Variants in CACTIN observed in about 807,000 individuals in gnomAD.
CACTIN encodes cactin, spliceosome C complex subunit.
A neutral mutation model predicts 84.9 loss-of-function variants in CACTIN; 20 were observed. That is an observed-to-expected ratio of 0.24 (90% CI 0.17 to 0.34). The LOEUF (loss-of-function observed/expected upper bound fraction) is 0.34. CACTIN is among the 10% of genes least tolerant of loss of function. CACTIN has a pLI of 1.00. For missense variants in CACTIN, 897 were observed against 1,117.2 expected (o/e 0.80, Z 2.81); for synonymous variants, 549 against 467.9 (o/e 1.17, Z -2.24).
At position 3,611,944 on chromosome 19, in the gene CACTIN, C is replaced by T; in HGVS notation, c.2256G>A (p.Lys752=). The change falls in exon 10 of 10, where the codon AAG becomes AAA. Residue 752 remains lysine (K), a synonymous_variant. Transcript: ENST00000429344. ...NGIFQLWFHF[K]RYRYRR is the part of the protein sequence containing the mutation. ...GCCGTCACCGCCGATAGCGGTAGCG[C>T]TTGAAGTGAAACCACAGCTGGAAGA... 6.2e-7 allele frequency: 1 copy of T among 1,613,330 alleles called. No homozygotes were observed.
At chr19:3,618,102 G>A (rs1687643918) in intron 6 of CACTIN, among the ~76,000 whole-genome samples, 1 of 151,652 alleles carries the variant, frequency 6.6e-6, no homozygotes, top group African/African-American at 2.4e-5. Context: ...ATGAGAGCCA[G>A]GCACTGTTAC....
chr19:3,624,274 A>T, intron 1 of CACTIN, 112 bp from the exon 2 acceptor site: 4 of 979,504 alleles, frequency 4.1e-6, no homozygotes, highest in Middle Eastern at 2.9e-4. Context: ...CTGGGGACAC[A>T]GCAGTGACCC....
At chr19:3,612,750 G>C (rs1474006696) in intron 9 of CACTIN, 2 of 697,628 alleles carry the variant, frequency 2.9e-6, no homozygotes, top group East Asian at 2.7e-5. Flanking sequence ...TGGCCCAGGG[G>C]TTTTCTGAAG....
At chr19:3,613,001 C>T in intron 9 of CACTIN, 57 bp downstream of exon 9, 2 of 1,487,856 alleles carry the variant, frequency 1.3e-6, no homozygotes, top group Non-Finnish European at 1.8e-6. Context: ...GCTGGAGAAG[C>T]CCCGCCCCCA....
Position 3,610,823 on chromosome 19 carries a change from T to G in CACTIN, c.*1100A>C, listed in dbSNP as rs187039597. ...TGGGTGGTCTGGGGCTGGTGACTGG[T>G]GAGGTTGGGTGGCCCTCTGGGGGTC... On this transcript the variant is annotated 3_prime_UTR_variant, in exon 10 of 10. Transcript: ENST00000429344. The G allele has an allele frequency of 2.2e-6, 1 of 456,654 alleles. No individual in the cohort carries two copies. The highest frequency in any genetic ancestry group is 2.3e-5 in the Admixed American group (1 of 42,576). 28.3% of individuals were successfully genotyped at this position (456,654 alleles called of 1,614,324 possible).
chr19:3,613,829 C>CA, intron 7 of CACTIN: 1 of 560,958 alleles, frequency 1.8e-6, no homozygotes, highest in Non-Finnish European at 3.1e-6. Context: ...GTCTCTGTCT[C>CA]ACGCTGCAGT....
In CACTIN at chr19:3,619,254, A is replaced by C; in HGVS notation, c.885-12T>G. 6.2e-7 allele frequency: 1 copy of C among 1,611,226 alleles called. No homozygotes were observed. Among genetic ancestry groups the C allele is most frequent in the East Asian group, 2.2e-5 (1 of 44,870 alleles). On this transcript the variant is annotated splice_polypyrimidine_tract_variant and intron_variant, in intron 4 of 9. Coordinates refer to ENST00000429344, the MANE Select transcript of CACTIN (RefSeq NM_001080543.2). ...TGCGGATCTTGGAACTGTGGGGAGC[A>C]GGGGAAGGTGGCATCAGAGCCTGGG...
chr19:3,612,280 T>G lies in CACTIN; in HGVS notation c.1920A>C (p.Pro640=). The change falls in exon 10 of 10, where the codon CCA becomes CCC. Residue 640 remains proline (P), a synonymous_variant. Transcript: ENST00000429344. Reference sequence around the variant, plus strand: ...CGCGGTTGAAGAAGCGCGGCTTGCGTGGCCGGTACTTGTCGGCCCACAGGT... The same window carrying G: ...CGCGGTTGAAGAAGCGCGGCTTGCGGGGCCGGTACTTGTCGGCCCACAGGT... ...KAYLWADKYR[P]RKPRFFNRVH... is the part of the protein sequence containing the mutation. 6.2e-7 allele frequency: 1 copy of G among 1,613,076 alleles called. No individual in the cohort carries two copies. The highest frequency in any genetic ancestry group is 8.5e-7 in the Non-Finnish European group (1 of 1,179,896).
At chr19:3,618,156 T>C (rs1194778776) in intron 6 of CACTIN, among the ~76,000 whole-genome samples, 1 of 123,772 alleles carries the variant, frequency 8.1e-6, no homozygotes, top group Non-Finnish European at 1.6e-5. Flanking sequence ...GGGGCAGGGC[T>C]GCTGTGGTTG....
At chr19:3,613,699 A>G in intron 7 of CACTIN, 113 bp from the exon 8 acceptor site, 2 of 1,436,620 alleles carry the variant, frequency 1.4e-6, no homozygotes, top group Non-Finnish European at 1.9e-6. Context: ...GGTGGCGAGC[A>G]GCCACGGCTC....
In CACTIN at chr19:3,619,929, G is replaced by A. The variant is rs147277899; in HGVS notation, c.884+198C>T. ...CGTGGGGTGCCGTTCACCTGGGCCC[G>A]TCTCCTCTGCACCCTGCCCAGCAGG... On this transcript the variant is annotated intron_variant, in intron 4 of 9. Transcript: ENST00000429344. Among the ~76,000 whole-genome samples the A allele has an allele frequency of 2.2e-3, 330 of 152,272 alleles. 2 individuals carry two copies. Among genetic ancestry groups the A allele is most frequent in the African/African-American group, 6.5e-3 (272 of 41,550 alleles).
At chr19:3,621,365 G>T (rs561788037) in intron 2 of CACTIN, among the ~76,000 whole-genome samples, 1 of 152,096 alleles carries the variant, frequency 6.6e-6, no homozygotes, top group Non-Finnish European at 1.5e-5. Flanking sequence ...CTCAAAGCTG[G>T]CTTCTTCCAG....
intron 1 of CACTIN, 104 bp from the exon 2 acceptor site, chr19:3,624,266 G>A: frequency 9.1e-7 from 1 of 1,099,880 alleles, no homozygotes; most frequent in South Asian, 1.5e-5. Context: ...TCTAGGTTCT[G>A]GGGACACAGC....
chr19:3,616,039 G>A (rs917252217), intron 6 of CACTIN: 3 of 152,144 alleles, frequency 2.0e-5, no homozygotes, highest in Admixed American at 6.5e-5. Context: ...TCTATAGAAA[G>A]CCGGGTCTGG....
At chr19:3,614,244 C>A in intron 7 of CACTIN, 153 bp downstream of exon 7, 1 of 813,420 alleles carries the variant, frequency 1.2e-6, no homozygotes, top group South Asian at 1.7e-5. Flanking sequence ...TCGTCACTCA[C>A]AGGCTGGCCC....
chr19:3,613,115 C>G lies in CACTIN; in HGVS notation c.1729G>C (p.Glu577Gln), dbSNP rs1418372487. 1 of 1,603,520 alleles carries G rather than the reference C, an allele frequency of 6.2e-7. No individual in the cohort carries two copies. Among genetic ancestry groups the G allele is most frequent in the African/African-American group, 1.3e-5 (1 of 74,798 alleles). ...HELPLDAHVLEPDEDLQRLQL... is the reference protein window; with the variant it reads ...HELPLDAHVLQPDEDLQRLQL... ...AGGCGCTGCAGGTCCTCATCCGGTTCCAGCACGTGCGCGTCCAGTGGCAGC... is the reference window on the plus strand; with the variant it reads ...AGGCGCTGCAGGTCCTCATCCGGTTGCAGCACGTGCGCGTCCAGTGGCAGC... The change falls in exon 9 of 10, where the codon GAA becomes CAA. Residue 577 changes from glutamate to glutamine, a missense_variant. Physicochemically the swap from Glu to Gln is conservative, Grantham distance 29. Transcript: ENST00000429344.
intron 2 of CACTIN, chr19:3,621,064 T>C (rs995623381): frequency 1.8e-6 from 1 of 567,524 alleles, no homozygotes; most frequent in Non-Finnish European, 3.2e-6. Context: ...AGGGCCTCAC[T>C]CGGGGCCGCC....
intron 6 of CACTIN, 92 bp from the exon 7 acceptor site, chr19:3,614,681 CCCCCT>C (rs1435518143): frequency 6.0e-6 from 6 of 1,000,964 alleles, no homozygotes; most frequent in Non-Finnish European, 9.1e-6. Context: ...ATGGGGGGGT[CCCCCT>C]CCCCTCCTCT....
intron 6 of CACTIN, among the ~76,000 whole-genome samples, chr19:3,616,920 G>A (rs1386657392): frequency 6.6e-6 from 1 of 150,632 alleles, no homozygotes; most frequent in Non-Finnish European, 1.5e-5. Flanking sequence ...TCAAGAGATT[G>A]AGACCATCCT....
Sources: gnomAD v4.1 joint callset for allele counts (sites outside exome capture counted in the v4.1 genomes callset) on GRCh38, gnomAD v4.1.1 for gene constraint, MANE v1.5 for transcripts, NCBI Gene and HGNC (gene_info 2026-07-23, HGNC 2026-07-21) for gene names.